Variants in AFG2A observed in about 807,000 individuals in gnomAD.
The protein encoded by AFG2A is ATPase family gene 2 protein homolog A.
At chr4:123,099,827 A>G in the AFG2A span, among the ~76,000 whole-genome samples, 1 of 151,964 alleles carries the variant, frequency 6.6e-6, no homozygotes, top group Admixed American at 6.6e-5. Context: ...CCTGAATCTT[A>G]AAGTTCCATT....
At chr4:123,019,367 A>ATGTT in the AFG2A span, among the ~76,000 whole-genome samples, 29 of 152,306 alleles carry the variant, frequency 1.9e-4, no homozygotes, top group African/African-American at 6.5e-4. Context: ...CAGAATGTAA[A>ATGTT]ATTGTGAATA....
At chr4:123,162,220 G>A in the AFG2A span, among the ~76,000 whole-genome samples, 1 of 152,194 alleles carries the variant, frequency 6.6e-6, no homozygotes, top group Admixed American at 6.5e-5. Flanking sequence ...AAGAATAAAA[G>A]TATTTTTTAT....
chr4:123,240,242 A>T, the AFG2A span, among the ~76,000 whole-genome samples: 1 of 152,322 alleles, frequency 6.6e-6, no homozygotes, highest in East Asian at 1.9e-4. Context: ...TTTAACAAGG[A>T]TATCCAGGAC....
At chr4:123,183,039 T>C in the AFG2A span, among the ~76,000 whole-genome samples, 1 of 152,210 alleles carries the variant, frequency 6.6e-6, no homozygotes. Flanking sequence ...AAGGATTTCC[T>C]GGCCATGAAC....
At chr4:123,057,845 T>G in the AFG2A span, among the ~76,000 whole-genome samples, 1 of 152,006 alleles carries the variant, frequency 6.6e-6, no homozygotes, top group Admixed American at 6.6e-5. Flanking sequence ...GAACTGTTCA[T>G]AAGTATGTTT....
At chr4:122,946,335 C>CT in the AFG2A span, among the ~76,000 whole-genome samples, 1 of 152,178 alleles carries the variant, frequency 6.6e-6, no homozygotes, top group South Asian at 2.1e-4. Context: ...TGGGATAAGC[C>CT]TGTTGTGGAT....
chr4:122,967,342 T>A, the AFG2A span, among the ~76,000 whole-genome samples: 2 of 151,996 alleles, frequency 1.3e-5, no homozygotes, highest in Non-Finnish European at 2.9e-5. Flanking sequence ...GAGGCTGCAG[T>A]CAGCTATGAT....
chr4:123,160,574 T>C, the AFG2A span, among the ~76,000 whole-genome samples: 1 of 152,214 alleles, frequency 6.6e-6, no homozygotes, highest in Non-Finnish European at 1.5e-5. Flanking sequence ...ACCTCTGTCC[T>C]ATCACTGTGA....
the AFG2A span, among the ~76,000 whole-genome samples, chr4:123,125,241 AAGAC>A: frequency 1.3e-5 from 2 of 152,216 alleles, no homozygotes; most frequent in African/African-American, 4.8e-5. Flanking sequence ...TCTAGCTAGA[AAGAC>A]AGTATCAAAT....
chr4:123,301,597 A>G, the AFG2A span, among the ~76,000 whole-genome samples: 4 of 152,238 alleles, frequency 2.6e-5, no homozygotes, highest in Admixed American at 2.6e-4. Flanking sequence ...TATGACATGC[A>G]TAAAATAAGT....
chr4:123,022,241 T>G, the AFG2A span, among the ~76,000 whole-genome samples: 1 of 151,470 alleles, frequency 6.6e-6, no homozygotes, highest in South Asian at 2.1e-4. Flanking sequence ...ACCATCAGAG[T>G]GAACAGGCAA....
chr4:123,104,003 G>T, the AFG2A span, among the ~76,000 whole-genome samples: 2,656 of 152,220 alleles, frequency 0.017, 48 homozygotes, highest in Middle Eastern at 0.048. Flanking sequence ...TTTTTGGAAT[G>T]ATGTAGATAT....
chr4:122,982,289 G>C, the AFG2A span, among the ~76,000 whole-genome samples: 1 of 152,134 alleles, frequency 6.6e-6, no homozygotes, highest in African/African-American at 2.4e-5. Context: ...TTAAGGTGGC[G>C]TATCATGTTT....
the AFG2A span, among the ~76,000 whole-genome samples, chr4:123,150,595 C>G: frequency 0.61 from 92,600 of 151,990 alleles, 33,057 homozygotes; most frequent in East Asian, 0.97. Context: ...AACTACAAAC[C>G]ACTGCTCAAG....
At chr4:123,256,652 G>T in the AFG2A span, 1 of 958,710 alleles carries the variant, frequency 1.0e-6, no homozygotes. Flanking sequence ...TCATCTTTTT[G>T]TCATTTTGGC....
the AFG2A span, among the ~76,000 whole-genome samples, chr4:123,076,330 TAAA>T: frequency 6.6e-6 from 1 of 151,882 alleles, no homozygotes; most frequent in Non-Finnish European, 1.5e-5. Flanking sequence ...AAATTCAAAA[TAAA>T]AAACAATTAT....
chr4:123,181,416 A>G, the AFG2A span, among the ~76,000 whole-genome samples: 1 of 152,046 alleles, frequency 6.6e-6, no homozygotes, highest in Admixed American at 6.5e-5. Context: ...GCTCAAGACC[A>G]GCCTCGGCAA....
At chr4:123,016,860 C>G in the AFG2A span, among the ~76,000 whole-genome samples, 1 of 152,208 alleles carries the variant, frequency 6.6e-6, no homozygotes, top group Non-Finnish European at 1.5e-5. Flanking sequence ...CAGACTCCGT[C>G]TGCAATCCCG....
chr4:123,181,334 A>G, the AFG2A span, among the ~76,000 whole-genome samples: 2 of 151,946 alleles, frequency 1.3e-5, no homozygotes, highest in South Asian at 2.1e-4. Context: ...GAAGCTGGCC[A>G]ACCACGGTGA....
Sources: allele counts gnomAD v4.1 joint callset (sites outside exome capture counted in the v4.1 genomes callset), GRCh38; gene constraint gnomAD v4.1.1; transcripts MANE v1.5; gene names NCBI Gene and HGNC (gene_info 2026-07-23, HGNC 2026-07-21).